GLIS3: variants seen among roughly 807,000 people sequenced by gnomAD.
The protein encoded by GLIS3 is GLIS family zinc finger 3, also known as zinc finger protein GLIS3.
In GLIS3, 53 loss-of-function variants were observed where a neutral mutation model predicts 78.6. That is an observed-to-expected ratio of 0.67 (90% CI 0.54 to 0.85). The LOEUF is 0.85. Among genes scored for constraint, GLIS3 ranks in the 40% least tolerant of loss-of-function variants. GLIS3 has a pLI of 0.00. For missense variants in GLIS3, 1,703 were observed against 1,231.1 expected (o/e 1.38, Z -5.74); for synonymous variants, 684 against 509.9 (o/e 1.34, Z -4.60).
chr9:3,937,242 T>A, intron 4 of GLIS3, 53 bp from the exon 5 acceptor site: 18 of 1,594,984 alleles, frequency 1.1e-5, no homozygotes, highest in Non-Finnish European at 1.5e-5. Flanking sequence ...AATGTTTGAG[T>A]CTGGGGGACA....
intron 2 of GLIS3, among the ~76,000 whole-genome samples, chr9:4,135,733 T>A (rs930274192): frequency 6.6e-6 from 1 of 152,138 alleles, no homozygotes; most frequent in Non-Finnish European, 1.5e-5. Context: ...TGAAAGAACT[T>A]TGAAAAGTAT....
intron 4 of GLIS3, among the ~76,000 whole-genome samples, chr9:4,067,813 AT>A (rs989567907): frequency 2.7e-5 from 4 of 149,284 alleles, no homozygotes; most frequent in African/African-American, 7.4e-5. Context: ...CAAAAAAAAA[AT>A]ATATGGTTAC....
At chr9:4,095,944 G>A (rs923925119) in intron 4 of GLIS3, among the ~76,000 whole-genome samples, 2 of 149,542 alleles carry the variant, frequency 1.3e-5, no homozygotes, top group Admixed American at 6.7e-5. Context: ...AAACCTAAAT[G>A]GTTCTGCCTA....
chr9:3,856,278 G>C (rs1177708320), intron 8 of GLIS3, 94 bp from the exon 9 acceptor site: 3 of 1,120,432 alleles, frequency 2.7e-6, no homozygotes, highest in African/African-American at 3.1e-5. Flanking sequence ...TCCCATTCTG[G>C]CTATACAAGA....
At chr9:4,263,849 A>G (rs1825748373) in intron 2 of GLIS3, among the ~76,000 whole-genome samples, 1 of 152,064 alleles carries the variant, frequency 6.6e-6, no homozygotes, top group Non-Finnish European at 1.5e-5. Flanking sequence ...CATTGCCTGC[A>G]TCTTCTTAGT....
chr9:3,915,113 A>T (rs555391), intron 6 of GLIS3, among the ~76,000 whole-genome samples: 136,441 of 152,208 alleles, frequency 0.9, 61,249 homozygotes, highest in African/African-American at 0.93. Context: ...GAAGTGCCTC[A>T]GGGTGAAGCC....
At chr9:4,464,450 A>G in the GLIS3 span, among the ~76,000 whole-genome samples, 1 of 151,702 alleles carries the variant, frequency 6.6e-6, no homozygotes, top group East Asian at 1.9e-4. Context: ...GCTGGAGTGC[A>G]GTGGCACAAT....
At chr9:4,081,351 A>G (rs1461129376) in intron 4 of GLIS3, 1 of 152,246 alleles carries the variant, frequency 6.6e-6, no homozygotes, top group Non-Finnish European at 1.5e-5. Flanking sequence ...AGAGGCTGCC[A>G]GCTGTGTAGT....
chr9:4,335,654 G>A (rs1436421674), intron 2 of GLIS3, among the ~76,000 whole-genome samples: 2 of 152,082 alleles, frequency 1.3e-5, no homozygotes, highest in African/African-American at 4.8e-5. Context: ...GTTAAACAAG[G>A]GCACTTTCAA....
chr9:4,423,238 G>C, the GLIS3 span, among the ~76,000 whole-genome samples: 1 of 152,216 alleles, frequency 6.6e-6, no homozygotes, highest in South Asian at 2.1e-4. Context: ...ACAAATATTT[G>C]TCATCTGACG....
intron 2 of GLIS3, among the ~76,000 whole-genome samples, chr9:4,180,166 G>C (rs1217441714): frequency 1.3e-5 from 2 of 152,080 alleles, no homozygotes; most frequent in African/African-American, 4.8e-5. Context: ...AACAGAATGA[G>C]GGTTTCAGGC....
At chr9:4,082,150 CA>C (rs1292065896) in intron 4 of GLIS3, among the ~76,000 whole-genome samples, 1 of 152,170 alleles carries the variant, frequency 6.6e-6, no homozygotes, top group African/African-American at 2.4e-5. Flanking sequence ...GACATCTTGT[CA>C]AAACCAAGGG....
rs1023069615 is a variant in GLIS3, at chr9:3,898,973, C to T, written c.1984-138G>A. 2.6e-5 allele frequency: 27 copies of T among 1,024,542 alleles called. No homozygotes were observed. The African/African-American group carries it at 4.1e-4, about 16-fold the overall frequency. The allele number at this position is 1,024,542 out of a possible 1,614,324, so 63.5% of individuals were successfully genotyped here. On this transcript the variant is annotated intron_variant, in intron 6 of 10. Coordinates refer to ENST00000381971, the MANE Select transcript of GLIS3 (RefSeq NM_001042413.2). ...CAGCAACTACGGGTAAGGCACAGAG[C>T]TTAACAGAGTGTCAATAAAAGGATC...
At chr9:3,996,841 G>A (rs2129861825) in intron 4 of GLIS3, among the ~76,000 whole-genome samples, 1 of 151,608 alleles carries the variant, frequency 6.6e-6, no homozygotes, top group East Asian at 1.9e-4. Flanking sequence ...GGAATGAAAG[G>A]GTGATATAAT....
intron 2 of GLIS3, among the ~76,000 whole-genome samples, chr9:4,327,064 G>A (rs986459197): frequency 6.6e-6 from 1 of 152,218 alleles, no homozygotes; most frequent in African/African-American, 2.4e-5. Flanking sequence ...CATAAATGGA[G>A]GTTACAATGT....
At position 3,949,376 on chromosome 9, in the gene GLIS3, G is replaced by A. The variant is rs1190632610; in HGVS notation, c.1711-12187C>T. On this transcript the variant is annotated intron_variant, in intron 4 of 10. Transcript: ENST00000381971. ...ATACTTCTCAAATAAAAACAAATGC[G>A]GTATGCATCTGTGAGCCACTCAGAA... Among the ~76,000 whole-genome samples the A allele has an allele frequency of 2.6e-5, 4 of 152,016 alleles. 1 individual carries two copies. Among genetic ancestry groups the A allele is most frequent in the South Asian group, 4.1e-4 (2 of 4,826 alleles).
At chr9:4,051,142 G>A (rs1489584581) in intron 4 of GLIS3, among the ~76,000 whole-genome samples, 3 of 152,182 alleles carry the variant, frequency 2.0e-5, no homozygotes, top group Non-Finnish European at 4.4e-5. Flanking sequence ...GGGTCAAAAT[G>A]GAAGCAGACA....
intron 6 of GLIS3, among the ~76,000 whole-genome samples, chr9:3,911,942 A>G (rs777928218): frequency 1.1e-4 from 17 of 152,054 alleles, no homozygotes; most frequent in Non-Finnish European, 2.2e-4. Context: ...TTTTCTCTTT[A>G]TCAACTTTTT....
chr9:4,450,082 G>A, the GLIS3 span, among the ~76,000 whole-genome samples: 2 of 152,068 alleles, frequency 1.3e-5, no homozygotes, highest in Admixed American at 6.6e-5. Flanking sequence ...CCCATCACAA[G>A]GAAGCTAAAA....
Sources: gnomAD v4.1 joint callset for allele counts (sites outside exome capture counted in the v4.1 genomes callset) on GRCh38, gnomAD v4.1.1 for gene constraint, MANE v1.5 for transcripts, NCBI Gene and HGNC (gene_info 2026-07-23, HGNC 2026-07-21) for gene names.